The following TMEM187 variants were observed in gnomAD, a reference collection of about 807,000 sequenced individuals.
TMEM187 encodes the protein chromosome X open reading frame 12.
Under a neutral mutation model 11.8 loss-of-function variants are expected in TMEM187, and 14 were observed. That is an observed-to-expected ratio of 1.18 (90% CI 0.78 to 1.85). The LOEUF (loss-of-function observed/expected upper bound fraction) is 1.85, where lower values mean the gene tolerates loss of function less well. Ranked by LOEUF, TMEM187 falls within the 40% of genes most tolerant of loss-of-function variation. TMEM187 has a pLI of 0.00. For missense variants in TMEM187, 227 were observed against 243.9 expected, an observed-to-expected ratio of 0.93 and a Z score of 0.46; for synonymous variants, 112 against 118.5, an observed-to-expected ratio of 0.95 and a Z score of 0.36.
chrX:153,975,892 G>A (rs1302561354), intron 1 of TMEM187, among the ~76,000 whole-genome samples: 1 of 109,091 alleles, frequency 9.2e-6, no homozygotes, highest in Non-Finnish European at 1.9e-5. Context: ...TGATCTGCCC[G>A]CCTCAACCTC....
intron 1 of TMEM187, among the ~76,000 whole-genome samples, chrX:153,973,165 C>T (rs1227196327): frequency 8.9e-6 from 1 of 112,914 alleles, no homozygotes; most frequent in East Asian, 2.8e-4. Context: ...TGAAGTTATG[C>T]GTCCTGCTGG....
intron 1 of TMEM187, among the ~76,000 whole-genome samples, chrX:153,978,217 A>G (rs1400879624): frequency 1.8e-5 from 2 of 109,675 alleles, no homozygotes. Flanking sequence ...TCTCAAAAAA[A>G]CAAAATAAAA....
chrX:153,975,768 C>G (rs1298107421), intron 1 of TMEM187, among the ~76,000 whole-genome samples: 1 of 105,184 alleles, frequency 9.5e-6, no homozygotes, highest in Non-Finnish European at 1.9e-5. Context: ...CCCCAGCCCC[C>G]TGAGTAACTG....
At chrX:153,975,834 G>A (rs948601408) in intron 1 of TMEM187, among the ~76,000 whole-genome samples, 12 of 104,767 alleles carry the variant, frequency 1.1e-4, no homozygotes, top group East Asian at 3.0e-4. Context: ...TAGTAGAGAC[G>A]GGGTTGCACT....
intron 1 of TMEM187, chrX:153,980,973 T>C (rs1387316290): frequency 9.4e-6 from 1 of 106,578 alleles, no homozygotes; most frequent in Non-Finnish European, 1.9e-5. Flanking sequence ...AGGTGCAAGA[T>C]CACATGGTTA....
In TMEM187 at chrX:153,981,987, A is replaced by C; in HGVS notation, c.-76A>C. ...TTCTGCTGGCTCAGCCGGGAGGCCC[A>C]GAGTGTTCTGCAGAGGCTGCGTATT... is the stretch of plus-strand genomic sequence containing the variant. On this transcript the variant is annotated 5_prime_UTR_variant, in exon 2 of 2. Transcript: ENST00000369982. 8.3e-7 allele frequency: 1 copy of C among 1,207,786 alleles called. No individual in the cohort carries two copies. Among genetic ancestry groups the C allele is most frequent in the East Asian group, 3.0e-5 (1 of 33,782 alleles).
chrX:153,981,382 G>A (rs782509960), intron 1 of TMEM187, among the ~76,000 whole-genome samples: 3 of 111,576 alleles, frequency 2.7e-5, no homozygotes, highest in South Asian at 3.7e-4. Flanking sequence ...GGAAGCCTGC[G>A]GGTCACCCCC....
chrX:153,976,492 C>T (rs1487344664), intron 1 of TMEM187, among the ~76,000 whole-genome samples: 1 of 111,945 alleles, frequency 8.9e-6, no homozygotes, highest in African/African-American at 3.3e-5. Context: ...GATTGTGCCA[C>T]TGCACTCCAG....
Position 153,982,303 on chromosome X carries a change from G to A in TMEM187, c.241G>A (p.Gly81Ser). Residue 81 changes from glycine (G) to serine (S), a missense_variant, in exon 2 of 2, where the codon GGT becomes AGT. Gly to Ser is a moderately conservative substitution (Grantham distance 56). Coordinates refer to ENST00000369982, the MANE Select transcript of TMEM187 (RefSeq NM_003492.3). ...GCACAGGGGCGGCGCGATGGGGCTG[G>A]GTCCCCGCTACCTGAAGGACGTGTT... ...WLHRGGAMGL[G>S]PRYLKDVFAA... 1 of 1,211,066 alleles carries A rather than the reference G, an allele frequency of 8.3e-7. No individual in the cohort carries two copies. The highest frequency in any genetic ancestry group is 1.1e-6 in the Non-Finnish European group (1 of 895,463).
intron 1 of TMEM187, among the ~76,000 whole-genome samples, chrX:153,973,629 G>A (rs2065564507): frequency 9.0e-6 from 1 of 111,402 alleles, no homozygotes; most frequent in Non-Finnish European, 1.9e-5. Flanking sequence ...GCTGCAGTGA[G>A]CTGAGATCGC....
chrX:153,979,218 G>A (rs1388285758), intron 1 of TMEM187, among the ~76,000 whole-genome samples: 10 of 109,186 alleles, frequency 9.2e-5, no homozygotes, highest in East Asian at 2.9e-4. Flanking sequence ...GAGCCACTGC[G>A]CCTAGCTTTT....
chrX:153,976,378 A>G (rs1557121475), intron 1 of TMEM187, among the ~76,000 whole-genome samples: 1 of 111,079 alleles, frequency 9.0e-6, no homozygotes, highest in Non-Finnish European at 1.9e-5. Context: ...CAAAAATACA[A>G]GAATTAGCCA....
chrX:153,981,812 G>T, intron 1 of TMEM187, 38 bp from the exon 2 acceptor site: 1 of 488,144 alleles, frequency 2.0e-6, no homozygotes, highest in Admixed American at 3.8e-5. Context: ...GCTGGGGACG[G>T]TTTGTTTTCT....
At chrX:153,977,234 G>T (rs2065580197) in intron 1 of TMEM187, among the ~76,000 whole-genome samples, 1 of 112,348 alleles carries the variant, frequency 8.9e-6, no homozygotes, top group Non-Finnish European at 1.9e-5. Flanking sequence ...AATGATAAAT[G>T]TTCCAGGTGA....
chrX:153,974,053 C>T (rs143791857), intron 1 of TMEM187, among the ~76,000 whole-genome samples: 1,640 of 111,635 alleles, frequency 0.015, 38 homozygotes, highest in African/African-American at 0.051. Context: ...AGGATCATGG[C>T]AATTCAAAGG....
At chrX:153,980,412 G>A (rs966498463) in intron 1 of TMEM187, among the ~76,000 whole-genome samples, 1 of 111,967 alleles carries the variant, frequency 8.9e-6, no homozygotes, top group African/African-American at 3.3e-5. Context: ...AAGCCACGTG[G>A]AAGCCCTCCT....
chrX:153,982,632 G>A lies in TMEM187; in HGVS notation c.570G>A (p.Ser190=), dbSNP rs782649954. ...RTHRHYGSTT[S]ATYLALGVLS... Reference sequence around the variant, plus strand: ...ACAGGCACTATGGCAGCACCACCTCGGCTACCTACTTAGCTTTGGGGGTGC... The same window carrying A: ...ACAGGCACTATGGCAGCACCACCTCAGCTACCTACTTAGCTTTGGGGGTGC... The change falls in exon 2 of 2, where the codon TCG becomes TCA. Residue 190 remains serine, a synonymous_variant. Transcript: ENST00000369982. 1.6e-5 allele frequency: 19 copies of A among 1,211,130 alleles called. No individual in the cohort carries two copies. In the South Asian group the frequency reaches 2.1e-4, roughly 13 times the overall value.
chrX:153,981,883 C>G lies in TMEM187; in HGVS notation c.-180C>G. On this transcript the variant is annotated 5_prime_UTR_variant, in exon 2 of 2. Transcript: ENST00000369982. ...CAGAACGTTCCTCCGCTGGCGCCAGCCAATCAGCAGGACTCCTGCCTTCCT... is the reference window on the plus strand; with the variant it reads ...CAGAACGTTCCTCCGCTGGCGCCAGGCAATCAGCAGGACTCCTGCCTTCCT... The G allele has an allele frequency of 1.2e-6, 1 of 803,884 alleles. No homozygotes were observed. 66.2% of individuals were successfully genotyped at this position (803,884 alleles called of 1,213,427 possible). A position where few individuals can be genotyped will look rare whatever the true frequency, so the allele number is the denominator to read the frequency against.
intron 1 of TMEM187, among the ~76,000 whole-genome samples, chrX:153,974,121 G>C (rs781915185): frequency 8.9e-6 from 1 of 112,113 alleles, no homozygotes; most frequent in Non-Finnish European, 1.9e-5. Context: ...TCTTGGACAG[G>C]TGCTTTGATT....
Sources: gnomAD v4.1 joint callset for allele counts (sites outside exome capture counted in the v4.1 genomes callset) on GRCh38, gnomAD v4.1.1 for gene constraint, MANE v1.5 for transcripts, NCBI Gene and HGNC (gene_info 2026-07-23, HGNC 2026-07-21) for gene names.